ZSWIM6: variants seen among roughly 807,000 people sequenced by gnomAD.
The protein encoded by ZSWIM6 is zinc finger SWIM domain-containing protein 6.
Under a neutral mutation model 113.2 loss-of-function variants are expected in ZSWIM6, and 9 were observed. The ratio of observed to expected loss-of-function variants is 0.08; its 90% confidence interval spans 0.05 to 0.14. ZSWIM6 has a LOEUF of 0.14. ZSWIM6 is among the 10% of genes least tolerant of loss of function. ZSWIM6 has a pLI of 1.00. For synonymous variants in ZSWIM6, 611 were observed against 606.5 expected, an observed-to-expected ratio of 1.01 and a Z score of -0.11; for missense variants, 1,162 against 1,552.2, an observed-to-expected ratio of 0.75 and a Z score of 4.22.
chr5:61,494,494 A>G (rs1204729355), intron 4 of ZSWIM6, 84 bp downstream of exon 4: 5 of 1,498,622 alleles, frequency 3.3e-6, no homozygotes, highest in Non-Finnish European at 3.6e-6. Flanking sequence ...TGGTCGTAGT[A>G]TTGCTGAAGA....
intron 1 of ZSWIM6, among the ~76,000 whole-genome samples, chr5:61,334,204 T>G (rs761488250): frequency 6.6e-6 from 1 of 152,202 alleles, no homozygotes; most frequent in African/African-American, 2.4e-5. Flanking sequence ...AGTTTAAAAG[T>G]GTCTCCTGTT....
intron 3 of ZSWIM6, 96 bp from the exon 4 acceptor site, chr5:61,494,164 A>G: frequency 7.6e-7 from 1 of 1,323,866 alleles, no homozygotes. Flanking sequence ...AGAGAGAGAA[A>G]CAGAGAAAAG....
intron 1 of ZSWIM6, among the ~76,000 whole-genome samples, chr5:61,379,346 A>G (rs898558158): frequency 6.8e-6 from 1 of 146,340 alleles, no homozygotes; most frequent in South Asian, 2.2e-4. Flanking sequence ...TGTATCCTGG[A>G]AGCAATTTTT....
chr5:61,378,927 C>G (rs773594866), intron 1 of ZSWIM6, among the ~76,000 whole-genome samples: 113 of 152,000 alleles, frequency 7.4e-4, no homozygotes, highest in Non-Finnish European at 1.4e-3. Flanking sequence ...CTCCTGTTAT[C>G]CCAGTGCTTT....
At chr5:61,424,488 AATC>A (rs1746423384) in intron 1 of ZSWIM6, among the ~76,000 whole-genome samples, 1 of 152,142 alleles carries the variant, frequency 6.6e-6, no homozygotes, top group Admixed American at 6.5e-5. Context: ...GCTGACAGAT[AATC>A]TCGGTTTTTT....
At chr5:61,345,670 TG>T (rs984400683) in intron 1 of ZSWIM6, among the ~76,000 whole-genome samples, 8 of 152,138 alleles carry the variant, frequency 5.3e-5, no homozygotes, top group African/African-American at 1.9e-4. Context: ...CAGTGAGTAG[TG>T]GTGTAATGTT....
intron 4 of ZSWIM6, among the ~76,000 whole-genome samples, chr5:61,497,796 T>C (rs1053901323): frequency 2.6e-5 from 4 of 152,158 alleles, no homozygotes; most frequent in Non-Finnish European, 4.4e-5. Flanking sequence ...GGTTGTACGT[T>C]TGATAGAAGC....
At chr5:61,359,630 C>T (rs1327612288) in intron 1 of ZSWIM6, among the ~76,000 whole-genome samples, 2 of 152,058 alleles carry the variant, frequency 1.3e-5, no homozygotes, top group Non-Finnish European at 2.9e-5. Context: ...GATGATGGGA[C>T]TGTTTTCAGA....
At chr5:61,358,588 T>C (rs1004175341) in intron 1 of ZSWIM6, among the ~76,000 whole-genome samples, 95 of 152,358 alleles carry the variant, frequency 6.2e-4, no homozygotes, top group African/African-American at 2.2e-3. Flanking sequence ...AAGTTCTGTG[T>C]TTTCATTCAT....
chr5:61,341,873 CTT>C (rs35227918), intron 1 of ZSWIM6, among the ~76,000 whole-genome samples: 1,236 of 94,590 alleles, frequency 0.013, 5 homozygotes, highest in Middle Eastern at 0.04. Flanking sequence ...TCTCTGTAAC[CTT>C]TTTTTTTTTT....
At chr5:61,447,777 A>G (rs1746996331) in intron 1 of ZSWIM6, among the ~76,000 whole-genome samples, 2 of 152,188 alleles carry the variant, frequency 1.3e-5, no homozygotes, top group South Asian at 4.1e-4. Flanking sequence ...AATCACTGAG[A>G]CAGTGAGTAT....
chr5:61,382,386 A>G (rs1745503582), intron 1 of ZSWIM6, among the ~76,000 whole-genome samples: 1 of 152,242 alleles, frequency 6.6e-6, no homozygotes, highest in South Asian at 2.1e-4. Context: ...GGACTCACCT[A>G]GAGTTACATA....
intron 1 of ZSWIM6, among the ~76,000 whole-genome samples, chr5:61,444,639 G>C (rs1746912077): frequency 6.6e-6 from 1 of 152,116 alleles, no homozygotes; most frequent in Non-Finnish European, 1.5e-5. Context: ...AGAAAATCCT[G>C]TTATTCCGAC....
intron 1 of ZSWIM6, among the ~76,000 whole-genome samples, chr5:61,424,245 G>A (rs1189929213): frequency 9.9e-5 from 15 of 152,186 alleles, no homozygotes; most frequent in Admixed American, 9.8e-4. Flanking sequence ...AGTGTTTGAG[G>A]TGAGGCTAGG....
chr5:61,540,803 A>T (rs981431337), intron 12 of ZSWIM6, among the ~76,000 whole-genome samples: 2 of 151,754 alleles, frequency 1.3e-5, no homozygotes, highest in Non-Finnish European at 2.9e-5. Flanking sequence ...TCCTTGACTC[A>T]TTCTTTCTAG....
At chr5:61,357,979 G>A (rs1489949893) in intron 1 of ZSWIM6, among the ~76,000 whole-genome samples, 2 of 152,176 alleles carry the variant, frequency 1.3e-5, no homozygotes, top group Non-Finnish European at 2.9e-5. Flanking sequence ...GCAGACGTGG[G>A]AAAGTTGCCT....
chr5:61,363,972 C>T (rs542725112), intron 1 of ZSWIM6, among the ~76,000 whole-genome samples: 1 of 135,976 alleles, frequency 7.4e-6, no homozygotes, highest in African/African-American at 2.6e-5. Context: ...CTTCCTTCCT[C>T]CCTCCCTCCC....
rs183174670 is a variant in ZSWIM6, at chr5:61,337,153, G to A, written c.676+4205G>A. Among the ~76,000 whole-genome samples, 7 of 152,020 alleles carry A rather than the reference G, an allele frequency of 4.6e-5. No homozygotes were observed. In the East Asian group the frequency reaches 1.2e-3, roughly 25 times the overall value. On this transcript the variant is annotated intron_variant, in intron 1 of 13. Transcript: ENST00000252744. ...AAAATTAGCCAGAGCGGTTGCGGGC[G>A]TCTGTAATCCCGCCGCTCGGGAGGC...
chr5:61,416,945 C>T (rs1315111950), intron 1 of ZSWIM6, among the ~76,000 whole-genome samples: 1 of 152,150 alleles, frequency 6.6e-6, no homozygotes, highest in African/African-American at 2.4e-5. Flanking sequence ...AGTTTGAGAC[C>T]AGCCTGACCA....
Sources: gnomAD v4.1 joint callset for allele counts (sites outside exome capture counted in the v4.1 genomes callset) on GRCh38, gnomAD v4.1.1 for gene constraint, MANE v1.5 for transcripts, NCBI Gene and HGNC (gene_info 2026-07-23, HGNC 2026-07-21) for gene names.